FAM81A: variants seen among roughly 807,000 people sequenced by gnomAD.
FAM81A encodes the protein family with sequence similarity 81 member A.
Under a neutral mutation model 46.7 loss-of-function variants are expected in FAM81A, and 19 were observed. That is an observed-to-expected ratio of 0.41 (90% confidence interval 0.28 to 0.60). The LOEUF is 0.60. Ranked by LOEUF, FAM81A falls within the 20% of genes least tolerant of loss-of-function variation. FAM81A has a pLI of 0.34. For synonymous variants in FAM81A, 183 were observed against 152.9 expected (o/e 1.20, Z -1.45); for missense variants, 377 against 453.5 (o/e 0.83, Z 1.53).
intron 8 of FAM81A, among the ~76,000 whole-genome samples, chr15:59,518,624 G>A (rs1350100417): frequency 1.3e-5 from 2 of 152,012 alleles, no homozygotes; most frequent in African/African-American, 4.8e-5. Flanking sequence ...CTGCCTGGTT[G>A]CCCTTTTATT....
At position 59,523,245 on chromosome 15, in the gene FAM81A, C is replaced by T. The variant is rs1203185531; in HGVS notation, c.*1867C>T. ...GCTTCTCAGGTGCTTCTGACATTGC[C>T]AGCCCCTTGAGATGAGCCACCGCAG... On this transcript the variant is annotated 3_prime_UTR_variant, in exon 9 of 9. Transcript: ENST00000288228. 6.6e-6 allele frequency: 1 copy of T among 152,238 alleles called. No individual in the cohort carries two copies. The highest frequency in any genetic ancestry group is 1.5e-5 in the Non-Finnish European group (1 of 68,052). The allele number at this position is 152,238 out of a possible 1,614,324, so 9.4% of individuals were successfully genotyped here.
intron 1 of FAM81A, among the ~76,000 whole-genome samples, chr15:59,445,945 G>T (rs2081350024): frequency 6.6e-6 from 1 of 152,148 alleles, no homozygotes; most frequent in Non-Finnish European, 1.5e-5. Flanking sequence ...GAGTGCCCGG[G>T]CCCACTGCAG....
chr15:59,508,437 G>A lies in FAM81A; in HGVS notation c.544-426G>A, dbSNP rs966421741. On this transcript the variant is annotated intron_variant, in intron 5 of 8. Transcript: ENST00000288228. Reference sequence around the variant, plus strand: ...AGGGAGATAGTCTACAAGTTATATTGACTGGTGACCTGACTTGTTATGGAG... The same window carrying A: ...AGGGAGATAGTCTACAAGTTATATTAACTGGTGACCTGACTTGTTATGGAG... 2.0e-5 allele frequency among the ~76,000 whole-genome samples: 3 copies of A among 152,320 alleles called. No homozygotes were observed. In the East Asian group the frequency reaches 5.8e-4, roughly 29 times the overall value.
At chr15:59,461,451 A>G (rs1318885349) in intron 3 of FAM81A, among the ~76,000 whole-genome samples, 1 of 151,976 alleles carries the variant, frequency 6.6e-6, no homozygotes, top group African/African-American at 2.4e-5. Flanking sequence ...ATGCCCAGCT[A>G]ATTTTTGTAT....
At chr15:59,446,669 A>G (rs1220299639) in intron 1 of FAM81A, 2 of 152,066 alleles carry the variant, frequency 1.3e-5, no homozygotes, top group African/African-American at 4.8e-5. Flanking sequence ...CTGCTCTGGG[A>G]CCCCATGGAG....
chr15:59,482,817 T>C (rs1196600428), intron 3 of FAM81A, among the ~76,000 whole-genome samples: 1 of 152,194 alleles, frequency 6.6e-6, no homozygotes, highest in African/African-American at 2.4e-5. Context: ...TAAGAGAGAG[T>C]GCACCGGAGC....
intron 4 of FAM81A, among the ~76,000 whole-genome samples, chr15:59,497,777 G>A (rs2082049658): frequency 6.6e-6 from 1 of 152,058 alleles, no homozygotes; most frequent in Non-Finnish European, 1.5e-5. Context: ...GTTGCAGGGA[G>A]CTATGATCAT....
chr15:59,468,565 C>T (rs868215070), intron 3 of FAM81A, among the ~76,000 whole-genome samples: 4 of 151,688 alleles, frequency 2.6e-5, no homozygotes, highest in African/African-American at 9.7e-5. Context: ...TCCCCTTTAC[C>T]ATTTTTTATT....
At chr15:59,502,198 A>G (rs1397920001) in intron 4 of FAM81A, among the ~76,000 whole-genome samples, 1 of 143,412 alleles carries the variant, frequency 7.0e-6, no homozygotes, top group Non-Finnish European at 1.5e-5. Context: ...TATTATTATT[A>G]TACTTTAAGT....
At chr15:59,420,702 T>G (rs1296606009) in intron 2 of FAM81A, among the ~76,000 whole-genome samples, 3 of 32 alleles carry the variant, frequency 0.094, no homozygotes, top group African/African-American at 0.094. Flanking sequence ...AGGCTCTTTT[T>G]TTTTTTTTTT....
chr15:59,505,195 A>T (rs938788717), intron 4 of FAM81A, among the ~76,000 whole-genome samples: 1 of 152,096 alleles, frequency 6.6e-6, no homozygotes, highest in Non-Finnish European at 1.5e-5. Flanking sequence ...CACTGATTCT[A>T]TCTTCAACTA....
intron 7 of FAM81A, among the ~76,000 whole-genome samples, chr15:59,515,316 A>T (rs948027258): frequency 2.0e-5 from 3 of 152,250 alleles, no homozygotes; most frequent in Non-Finnish European, 4.4e-5. Flanking sequence ...CCTGGCAAGC[A>T]AAGTTTCATT....
intron 3 of FAM81A, among the ~76,000 whole-genome samples, chr15:59,462,242 A>G (rs1275359380): frequency 6.6e-6 from 1 of 152,012 alleles, no homozygotes; most frequent in Non-Finnish European, 1.5e-5. Flanking sequence ...AATTTTCCAA[A>G]GTGGCTATAA....
intron 1 of FAM81A, among the ~76,000 whole-genome samples, chr15:59,456,476 AG>A (rs2081485887): frequency 6.6e-6 from 1 of 152,096 alleles, no homozygotes. Context: ...CATTCTCATC[AG>A]TTCTTCCTGA....
chr15:59,431,691 A>G (rs1386302595), intron 2 of FAM81A, among the ~76,000 whole-genome samples: 1 of 152,234 alleles, frequency 6.6e-6, no homozygotes, highest in Non-Finnish European at 1.5e-5. Context: ...ATCTTCCCCA[A>G]GGAAAGTCAA....
intron 2 of FAM81A, among the ~76,000 whole-genome samples, chr15:59,423,284 G>C (rs1052496371): frequency 6.6e-6 from 1 of 152,058 alleles, no homozygotes; most frequent in Admixed American, 6.6e-5. Context: ...ATTTTTAGTA[G>C]AGACGGGGTT....
chr15:59,447,142 A>T (rs2081361734), intron 1 of FAM81A, among the ~76,000 whole-genome samples: 1 of 152,248 alleles, frequency 6.6e-6, no homozygotes, highest in Non-Finnish European at 1.5e-5. Flanking sequence ...TTTAAAAGAT[A>T]TGACTATACT....
At chr15:59,469,142 T>C (rs541875612) in intron 3 of FAM81A, among the ~76,000 whole-genome samples, 1 of 152,332 alleles carries the variant, frequency 6.6e-6, no homozygotes, top group African/African-American at 2.4e-5. Context: ...ATGTGGTCAA[T>C]TTTAGAATAA....
At chr15:59,421,729 G>GTCTA (rs796163877) in intron 2 of FAM81A, among the ~76,000 whole-genome samples, 5,407 of 128,778 alleles carry the variant, frequency 0.042, 150 homozygotes, top group African/African-American at 0.048. Flanking sequence ...CTGTCTGTCT[G>GTCTA]TCTATCTATC....
Sources: allele counts gnomAD v4.1 joint callset (sites outside exome capture counted in the v4.1 genomes callset), GRCh38; gene constraint gnomAD v4.1.1; transcripts MANE v1.5; gene names NCBI Gene and HGNC (gene_info 2026-07-23, HGNC 2026-07-21).